EYA2: variants seen among roughly 807,000 people sequenced by gnomAD.
EYA2 encodes protein phosphatase EYA2.
EYA2 carries 31 observed loss-of-function variants against 69.2 expected under a neutral mutation model. The ratio of observed to expected loss-of-function variants is 0.45; its 90% CI spans 0.34 to 0.60. The LOEUF (loss-of-function observed/expected upper bound fraction) is 0.60. EYA2 is among the 20% of genes least tolerant of loss of function. EYA2 has a pLI of 0.02. For missense variants in EYA2, 622 were observed against 701.2 expected (o/e 0.89, Z 1.28); for synonymous variants, 257 against 279.4 (o/e 0.92, Z 0.80).
intron 9 of EYA2, among the ~76,000 whole-genome samples, chr20:47,131,269 T>C (rs1322427587): frequency 1.3e-5 from 2 of 152,188 alleles, no homozygotes; most frequent in Non-Finnish European, 2.9e-5. Context: ...TAGAAGACAT[T>C]AATATCCTTG....
At chr20:47,151,148 A>G (rs1444419668) in intron 10 of EYA2, among the ~76,000 whole-genome samples, 1 of 151,986 alleles carries the variant, frequency 6.6e-6, no homozygotes, top group African/African-American at 2.4e-5. Context: ...AAGCAGGTGT[A>G]TCACTTGAGG....
At chr20:47,008,118 G>A (rs1982833174) in intron 4 of EYA2, among the ~76,000 whole-genome samples, 1 of 152,204 alleles carries the variant, frequency 6.6e-6, no homozygotes, top group African/African-American at 2.4e-5. Context: ...AGAATTGACA[G>A]GTCCTGTCGA....
intron 4 of EYA2, among the ~76,000 whole-genome samples, chr20:47,007,839 G>A (rs1195869517): frequency 6.6e-6 from 1 of 151,882 alleles, no homozygotes; most frequent in Non-Finnish European, 1.5e-5. Context: ...TGTTGCCCAG[G>A]CTGGTCTTGA....
At chr20:46,917,462 A>T (rs756141767) in intron 1 of EYA2, among the ~76,000 whole-genome samples, 21 of 152,194 alleles carry the variant, frequency 1.4e-4, no homozygotes, top group Non-Finnish European at 2.9e-4. Flanking sequence ...TTTGCCAAAC[A>T]CCAATACGTG....
At chr20:46,978,354 C>T (rs973634331) in intron 1 of EYA2, 24 of 342,704 alleles carry the variant, frequency 7.0e-5, no homozygotes, top group Non-Finnish European at 1.3e-4. Context: ...GGGCCATGGG[C>T]CTGTGAAAGC....
At chr20:47,086,811 GTT>G (rs35580780) in intron 7 of EYA2, among the ~76,000 whole-genome samples, 2 of 145,522 alleles carry the variant, frequency 1.4e-5, no homozygotes, top group Non-Finnish European at 1.5e-5. Context: ...TTTTTTTGTT[GTT>G]TTTTTTTTTG....
intron 10 of EYA2, among the ~76,000 whole-genome samples, chr20:47,158,101 C>G (rs1439265457): frequency 2.0e-5 from 3 of 151,978 alleles, no homozygotes; most frequent in Admixed American, 6.6e-5. Context: ...GCTTTAGTTT[C>G]CACACTGGTG....
chr20:46,955,510 C>T (rs976202126), intron 1 of EYA2, among the ~76,000 whole-genome samples: 33 of 152,204 alleles, frequency 2.2e-4, no homozygotes, highest in African/African-American at 2.4e-5. Context: ...AAGTAATTAA[C>T]ATGCTTATCA....
At chr20:47,156,155 TA>T (rs2033942223) in intron 10 of EYA2, among the ~76,000 whole-genome samples, 1 of 32,662 alleles carries the variant, frequency 3.1e-5, no homozygotes, top group South Asian at 1.1e-3. Context: ...TATATATATA[TA>T]TATATATATA....
intron 1 of EYA2, among the ~76,000 whole-genome samples, chr20:46,948,109 C>CAAAAAAA (rs72010207): frequency 7.5e-6 from 1 of 134,010 alleles, no homozygotes; most frequent in Non-Finnish European, 1.6e-5. Context: ...GACCTTGTCT[C>CAAAAAAA]AAAAAAAAAA....
At chr20:47,056,312 C>T (rs1463681052) in intron 5 of EYA2, among the ~76,000 whole-genome samples, 1 of 152,072 alleles carries the variant, frequency 6.6e-6, no homozygotes. Context: ...AACATGGGTA[C>T]CCCAGGAGGC....
intron 2 of EYA2, among the ~76,000 whole-genome samples, chr20:46,993,005 CAT>C (rs1981781546): frequency 6.6e-6 from 1 of 152,052 alleles, no homozygotes; most frequent in Non-Finnish European, 1.5e-5. Context: ...CCCCAAGAGT[CAT>C]GAGTCACAGG....
chr20:47,004,825 TG>T (rs758536794), intron 3 of EYA2, 116 bp from the exon 4 acceptor site: 2 of 1,351,684 alleles, frequency 1.5e-6, no homozygotes, highest in Admixed American at 3.4e-5. Flanking sequence ...ACATGTATGT[TG>T]TCTCTGCTCT....
intron 11 of EYA2, 131 bp downstream of exon 11, chr20:47,169,328 T>G: frequency 2.3e-6 from 2 of 859,414 alleles, no homozygotes; most frequent in Non-Finnish European, 3.9e-6. Flanking sequence ...CAGCCAGAAC[T>G]GGGACTTTTG....
At chr20:47,126,847 G>C (rs2033203026) in intron 9 of EYA2, among the ~76,000 whole-genome samples, 1 of 152,162 alleles carries the variant, frequency 6.6e-6, no homozygotes, top group Non-Finnish European at 1.5e-5. Context: ...AGAGGCCACG[G>C]ATGCTGCTCA....
chr20:47,117,543 C>T (rs2032934678), intron 9 of EYA2: 4 of 985,366 alleles, frequency 4.1e-6, no homozygotes, highest in Admixed American at 6.1e-5. Flanking sequence ...GCTTGGATTC[C>T]GGAATCCAGA....
At chr20:47,170,407 G>C (rs556750516) in intron 11 of EYA2, among the ~76,000 whole-genome samples, 254 of 152,022 alleles carry the variant, frequency 1.7e-3, no homozygotes, top group African/African-American at 6.0e-3. Context: ...AGCACTTTGG[G>C]AGGCCAAGGC....
At chr20:46,911,840 C>T (rs1247659106) in intron 1 of EYA2, among the ~76,000 whole-genome samples, 1 of 152,002 alleles carries the variant, frequency 6.6e-6, no homozygotes, top group Admixed American at 6.6e-5. Context: ...AAACATACAG[C>T]TACATAGAAA....
chr20:46,930,612 G>A (rs961374075), intron 1 of EYA2, among the ~76,000 whole-genome samples: 1 of 152,094 alleles, frequency 6.6e-6, no homozygotes, highest in Admixed American at 6.5e-5. Context: ...AAAAAAGGGG[G>A]TCCTGGTTAG....
Sources: gnomAD v4.1 joint callset for allele counts (sites outside exome capture counted in the v4.1 genomes callset) on GRCh38, gnomAD v4.1.1 for gene constraint, MANE v1.5 for transcripts, NCBI Gene and HGNC (gene_info 2026-07-23, HGNC 2026-07-21) for gene names.